KSR1: variants seen among roughly 807,000 people sequenced by gnomAD.
The protein encoded by KSR1 is kinase suppressor of ras 1, also known as kinase suppressor of ras.
Under a neutral mutation model 92.9 loss-of-function variants are expected in KSR1, and 35 were observed. That is an observed-to-expected ratio of 0.38 (90% CI 0.29 to 0.50). The LOEUF (loss-of-function observed/expected upper bound fraction) is 0.50, where lower values mean the gene tolerates loss of function less well. Ranked by LOEUF, KSR1 falls within the 20% of genes least tolerant of loss-of-function variation. The pLI is 0.94. For missense variants in KSR1, 972 were observed against 1,158.5 expected, an observed-to-expected ratio of 0.84 and a Z score of 2.34; for synonymous variants, 467 against 472.6, an observed-to-expected ratio of 0.99 and a Z score of 0.15.
intron 6 of KSR1, among the ~76,000 whole-genome samples, chr17:27,589,068 C>T (rs573595209): frequency 7.2e-5 from 11 of 152,288 alleles, no homozygotes; most frequent in African/African-American, 2.2e-4. Context: ...TTGGGGAGGC[C>T]GGATCGCAAC....
intron 10 of KSR1, among the ~76,000 whole-genome samples, chr17:27,598,644 T>G (rs2073433391): frequency 6.6e-6 from 1 of 152,204 alleles, no homozygotes; most frequent in African/African-American, 2.4e-5. Context: ...AAACTGTGCC[T>G]TTTGCTAAAC....
chr17:27,617,281 A>G lies in KSR1; in HGVS notation c.2494-14A>G, dbSNP rs1187202085. ...AGCCAGCTCACACACCACTAATGGC[A>G]GCTCCATTTGCAGGAGATCCTGTCG... is the stretch of plus-strand genomic sequence containing the variant. On this transcript the variant is annotated splice_polypyrimidine_tract_variant and intron_variant, in intron 18 of 20. Coordinates refer to ENST00000644974, the MANE Select transcript of KSR1 (RefSeq NM_001394583.1). 1 of 1,601,056 alleles carries G rather than the reference A, an allele frequency of 6.2e-7. No individual in the cohort carries two copies. The highest frequency in any genetic ancestry group is 1.7e-5 in the Admixed American group (1 of 59,580).
chr17:27,481,930 G>A (rs2150944603), intron 1 of KSR1, among the ~76,000 whole-genome samples: 1 of 152,274 alleles, frequency 6.6e-6, no homozygotes, highest in East Asian at 1.9e-4. Context: ...TTTAAATCCT[G>A]AGTGCTATGA....
At chr17:27,566,922 C>T (rs1224470688) in intron 2 of KSR1, among the ~76,000 whole-genome samples, 4 of 152,156 alleles carry the variant, frequency 2.6e-5, no homozygotes, top group Non-Finnish European at 4.4e-5. Context: ...AGCTCTACCT[C>T]TCCATGCTTC....
At chr17:27,487,172 C>T (rs1353811088) in intron 1 of KSR1, among the ~76,000 whole-genome samples, 1 of 152,172 alleles carries the variant, frequency 6.6e-6, no homozygotes, top group African/African-American at 2.4e-5. Flanking sequence ...CGATGGCTCA[C>T]GCCTGTAATC....
In KSR1 at chr17:27,623,432, A is replaced by C. The variant is rs1394740250; in HGVS notation, c.*40A>C. ...TTTCGCTGCTGATCTCTTTCTTTTT[A>C]AAATGTGTTTCTGAAACATCCCAAC... On this transcript the variant is annotated 3_prime_UTR_variant, in exon 21 of 21. Coordinates refer to ENST00000644974, the MANE Select transcript of KSR1 (RefSeq NM_001394583.1). 5.4e-6 allele frequency: 4 copies of C among 745,254 alleles called. No individual in the cohort carries two copies. The Admixed American group carries it at 7.2e-5, about 13-fold the overall frequency. 46.2% of individuals were successfully genotyped at this position (745,254 alleles called of 1,614,324 possible). A position where few individuals can be genotyped will look rare whatever the true frequency, so the allele number is the denominator to read the frequency against.
At chr17:27,491,782 C>T (rs1277346501) in intron 1 of KSR1, among the ~76,000 whole-genome samples, 1 of 152,036 alleles carries the variant, frequency 6.6e-6, no homozygotes, top group Non-Finnish European at 1.5e-5. Flanking sequence ...GGGAAGTGGC[C>T]GGCTGTTTAG....
chr17:27,549,791 G>C (rs938866171), intron 1 of KSR1, among the ~76,000 whole-genome samples: 2 of 152,172 alleles, frequency 1.3e-5, no homozygotes, highest in Admixed American at 6.5e-5. Context: ...CTCTCTGAGA[G>C]TCAGCTTCTA....
At chr17:27,623,256 C>T (rs1159997195) in intron 20 of KSR1, 58 bp from the exon 21 acceptor site, 1 of 735,258 alleles carries the variant, frequency 1.4e-6, no homozygotes, top group African/African-American at 1.7e-5. Flanking sequence ...GCTAGTGTTA[C>T]CCTAATTCTG....
At chr17:27,558,052 C>T (rs1468404552) in intron 2 of KSR1, 1 of 152,564 alleles carries the variant, frequency 6.6e-6, no homozygotes, top group Non-Finnish European at 1.5e-5. Flanking sequence ...TTAGCCCACA[C>T]AAGATGTGAT....
intron 1 of KSR1, among the ~76,000 whole-genome samples, chr17:27,545,017 T>C (rs1032595100): frequency 1.3e-5 from 2 of 152,226 alleles, no homozygotes; most frequent in Non-Finnish European, 2.9e-5. Flanking sequence ...TTCTGGGAGA[T>C]AGCAGCTGCC....
chr17:27,597,561 C>T, intron 10 of KSR1, 125 bp downstream of exon 10: 1 of 1,035,342 alleles, frequency 9.7e-7, no homozygotes, highest in South Asian at 1.7e-5. Context: ...TTATGAAGTA[C>T]TTGTCCGGCG....
At chr17:27,563,813 T>C (rs1204554105) in intron 2 of KSR1, among the ~76,000 whole-genome samples, 1 of 152,168 alleles carries the variant, frequency 6.6e-6, no homozygotes, top group Non-Finnish European at 1.5e-5. Context: ...TCTCATCCTC[T>C]GACCGGGACT....
rs780449510 is a variant in KSR1 at position 27,577,843 on chromosome 17, C to T, written c.520+204C>T. On this transcript the variant is annotated intron_variant, in intron 3 of 20. Transcript: ENST00000644974. The surrounding 1 kb of genome is among the most constrained non-coding windows in gnomAD (Gnocchi z 4.5). ...TGGATCCTGGTGGGTCTGGCCAGGC[C>T]GAATCTGAGGGGTTTCAGCCATGGT... 2.2e-5 allele frequency: 15 copies of T among 693,296 alleles called. No homozygotes were observed. The highest frequency in any genetic ancestry group is 2.9e-5 in the Non-Finnish European group (11 of 381,250). The allele number at this position is 693,296 out of a possible 1,614,324, so 42.9% of individuals were successfully genotyped here. A position where few individuals can be genotyped will look rare whatever the true frequency, so the allele number is the denominator to read the frequency against.
At chr17:27,618,645 A>T (rs1370195439) in intron 19 of KSR1, among the ~76,000 whole-genome samples, 1 of 152,210 alleles carries the variant, frequency 6.6e-6, no homozygotes, top group Non-Finnish European at 1.5e-5. Context: ...TAAACCAGGG[A>T]GCTGGCTGTG....
chr17:27,480,135 A>G (rs1341438857), intron 1 of KSR1, among the ~76,000 whole-genome samples: 1 of 152,096 alleles, frequency 6.6e-6, no homozygotes, highest in Non-Finnish European at 1.5e-5. Context: ...CCTTCACCCC[A>G]TTGCTCATCC....
At chr17:27,492,554 A>G (rs139718023) in intron 1 of KSR1, among the ~76,000 whole-genome samples, 122 of 152,314 alleles carry the variant, frequency 8.0e-4, no homozygotes, top group African/African-American at 2.8e-3. Context: ...AGTTTCTAAC[A>G]TTCCCAACTC....
chr17:27,568,589 C>T (rs1336263944), intron 2 of KSR1, among the ~76,000 whole-genome samples: 2 of 152,178 alleles, frequency 1.3e-5, no homozygotes, highest in Non-Finnish European at 2.9e-5. Context: ...AGTAAAGATG[C>T]CGGGGACATG....
At chr17:27,488,825 G>A (rs1039025154) in intron 1 of KSR1, among the ~76,000 whole-genome samples, 5 of 152,218 alleles carry the variant, frequency 3.3e-5, no homozygotes, top group South Asian at 2.1e-4. Context: ...TTAGCTGGGC[G>A]TGGTGGCGCA....
Sources: gnomAD v4.1 joint callset for allele counts (sites outside exome capture counted in the v4.1 genomes callset) on GRCh38, gnomAD v4.1.1 for gene constraint, Gnocchi (gnomAD v3.1) non-coding constraint, MANE v1.5 for transcripts, NCBI Gene and HGNC (gene_info 2026-07-23, HGNC 2026-07-21) for gene names.